The following ABI1 variants were observed in gnomAD, a reference collection of about 807,000 sequenced individuals.
The protein encoded by ABI1 is abl interactor 1.
Under a neutral mutation model 54.6 loss-of-function variants are expected in ABI1, and 14 were observed. The ratio of observed to expected loss-of-function variants is 0.26; its 90% confidence interval spans 0.17 to 0.40. The LOEUF is 0.40. Ranked by LOEUF, ABI1 falls within the 10% of genes least tolerant of loss-of-function variation. The probability of loss-of-function intolerance (pLI) is 1.00; values close to 1 mark genes in which losing one functional copy is unlikely to be tolerated. For missense variants in ABI1, 443 were observed against 598.3 expected, an observed-to-expected ratio of 0.74 and a Z score of 2.71; for synonymous variants, 194 against 209.3, an observed-to-expected ratio of 0.93 and a Z score of 0.63.
chr10:26,824,745 AAATAG>A (rs1439535468), intron 1 of ABI1, among the ~76,000 whole-genome samples: 1 of 152,192 alleles, frequency 6.6e-6, no homozygotes, highest in African/African-American at 2.4e-5. Context: ...GAGAGGTAAT[AAATAG>A]GATAGAGAAA....
chr10:26,845,067 A>T (rs2049871481), intron 1 of ABI1, among the ~76,000 whole-genome samples: 1 of 152,044 alleles, frequency 6.6e-6, no homozygotes, highest in Non-Finnish European at 1.5e-5. Context: ...GTATGGGGAG[A>T]AGAAGAAGAG....
At chr10:26,761,617 CAT>C (rs1164854399) in intron 7 of ABI1, among the ~76,000 whole-genome samples, 5,858 of 49,432 alleles carry the variant, frequency 0.12, 253 homozygotes, top group East Asian at 0.15. Context: ...TAGTTTTTGT[CAT>C]ATATATATAT....
At chr10:26,817,994 AAAAC>A (rs2047687596) in intron 2 of ABI1, among the ~76,000 whole-genome samples, 1 of 150,566 alleles carries the variant, frequency 6.6e-6, no homozygotes, top group African/African-American at 2.4e-5. Flanking sequence ...CATCTCTACT[AAAAC>A]TACAAAAAAA....
At chr10:26,783,676 T>C (rs1353079379) in intron 2 of ABI1, among the ~76,000 whole-genome samples, 1 of 152,218 alleles carries the variant, frequency 6.6e-6, no homozygotes, top group Non-Finnish European at 1.5e-5. Context: ...TTGATTGGTC[T>C]ACTCTCTGGG....
chr10:26,814,033 A>G (rs1383523636), intron 2 of ABI1, among the ~76,000 whole-genome samples: 1 of 152,068 alleles, frequency 6.6e-6, no homozygotes, highest in African/African-American at 2.4e-5. Context: ...TACCCGCCCT[A>G]CCTCCCCAGT....
intron 7 of ABI1, among the ~76,000 whole-genome samples, chr10:26,761,748 A>C (rs544026045): frequency 4.7e-5 from 7 of 149,564 alleles, no homozygotes; most frequent in African/African-American, 7.4e-5. Flanking sequence ...CAATCTGTAC[A>C]TATTGTTGAA....
intron 2 of ABI1, among the ~76,000 whole-genome samples, chr10:26,785,090 T>A (rs1386216973): frequency 1.3e-5 from 2 of 152,222 alleles, no homozygotes; most frequent in Admixed American, 1.3e-4. Context: ...TGACAGTAAC[T>A]GTAATGAAAT....
At chr10:26,778,014 G>C (rs558798608) in intron 2 of ABI1, among the ~76,000 whole-genome samples, 82 of 152,114 alleles carry the variant, frequency 5.4e-4, no homozygotes, top group Non-Finnish European at 1.0e-3. Flanking sequence ...GCTTTACAGA[G>C]TAGGTACCTA....
intron 2 of ABI1, among the ~76,000 whole-genome samples, chr10:26,785,399 C>A (rs894687835): frequency 6.6e-6 from 1 of 152,098 alleles, no homozygotes; most frequent in African/African-American, 2.4e-5. Context: ...GAGTAAAAGG[C>A]AGGTTTGTTT....
intron 2 of ABI1, among the ~76,000 whole-genome samples, chr10:26,815,588 C>T (rs1006136005): frequency 2.0e-5 from 3 of 152,174 alleles, no homozygotes; most frequent in Non-Finnish European, 4.4e-5. Context: ...TTTTAGTTAA[C>T]ACCAGTCCTC....
chr10:26,767,625 A>C (rs1367659378), intron 6 of ABI1, among the ~76,000 whole-genome samples: 1 of 152,190 alleles, frequency 6.6e-6, no homozygotes, highest in Non-Finnish European at 1.5e-5. Context: ...GGTGATGGTT[A>C]TATGAGTGTG....
At chr10:26,775,254 G>C (rs1841235624) in intron 3 of ABI1, among the ~76,000 whole-genome samples, 3 of 152,114 alleles carry the variant, frequency 2.0e-5, no homozygotes, top group Admixed American at 2.0e-4. Flanking sequence ...AAAAGTAATT[G>C]TATGTATGTG....
chr10:26,748,540 T>C lies in ABI1; in HGVS notation c.*30A>G. 1 of 1,533,298 alleles carries C rather than the reference T, an allele frequency of 6.5e-7. No individual in the cohort carries two copies. 95.0% of individuals were successfully genotyped at this position (1,533,298 alleles called of 1,614,324 possible). A position where few individuals can be genotyped will look rare whatever the true frequency, so the allele number is the denominator to read the frequency against. ...ATAGTCCCACAGTATGACTGAGTAA[T>C]AAGAATCTACTTCAAAAGAAAAAAA... is the stretch of plus-strand genomic sequence containing the variant. On this transcript the variant is annotated 3_prime_UTR_variant, in exon 11 of 11. Coordinates refer to ENST00000376140, the MANE Select transcript of ABI1 (RefSeq NM_001012750.3).
chr10:26,797,298 A>G (rs1172955193), intron 2 of ABI1, among the ~76,000 whole-genome samples: 6 of 152,202 alleles, frequency 3.9e-5, no homozygotes, highest in Admixed American at 6.5e-5. Context: ...CATCTGTAAA[A>G]TGAGGTTGTT....
At chr10:26,803,914 T>C (rs1189751397) in intron 2 of ABI1, among the ~76,000 whole-genome samples, 1 of 151,302 alleles carries the variant, frequency 6.6e-6, no homozygotes, top group African/African-American at 2.4e-5. Context: ...TAAGTACGCA[T>C]ACAAATAAAC....
At chr10:26,842,921 A>G (rs1280557354) in intron 1 of ABI1, among the ~76,000 whole-genome samples, 5 of 152,098 alleles carry the variant, frequency 3.3e-5, no homozygotes, top group African/African-American at 1.2e-4. Context: ...GTGTGCACCT[A>G]TAGTCCCAGC....
Position 26,858,887 on chromosome 10 carries a change from C to T in ABI1, c.117+1860G>A, listed in dbSNP as rs528658538. On this transcript the variant is annotated intron_variant, in intron 1 of 10. Coordinates refer to ENST00000376140, the MANE Select transcript of ABI1 (RefSeq NM_001012750.3). ...CAACATGCAAAACAAAAAGGAGCCA[C>T]CCCTGTATGAAGCACTTATCTACTG... 3.9e-5 allele frequency among the ~76,000 whole-genome samples: 6 copies of T among 152,232 alleles called. No individual in the cohort carries two copies. In the South Asian group the frequency reaches 1.2e-3, roughly 32 times the overall value.
intron 2 of ABI1, among the ~76,000 whole-genome samples, chr10:26,786,900 T>G (rs1464623005): frequency 6.6e-6 from 1 of 152,184 alleles, no homozygotes; most frequent in Non-Finnish European, 1.5e-5. Context: ...ACTGACATTC[T>G]CTCAGATATT....
intron 10 of ABI1, 130 bp downstream of exon 10, chr10:26,751,468 T>C (rs189372963): frequency 9.8e-4 from 841 of 857,212 alleles, no homozygotes; most frequent in South Asian, 1.3e-3. Context: ...GAAGTAAGGT[T>C]TAAGTAAATC....
Sources: allele counts gnomAD v4.1 joint callset (sites outside exome capture counted in the v4.1 genomes callset), GRCh38; gene constraint gnomAD v4.1.1; transcripts MANE v1.5; gene names NCBI Gene and HGNC (gene_info 2026-07-23, HGNC 2026-07-21).